The following FAM161A variants were observed in gnomAD, a reference collection of about 807,000 sequenced individuals.
FAM161A encodes FAM161 centrosomal protein A.
FAM161A carries 57 observed loss-of-function variants against 70.9 expected under a neutral mutation model. The observed-to-expected ratio is 0.80, with a 90% CI of 0.65 to 1.00. The LOEUF (loss-of-function observed/expected upper bound fraction) is 1.00. FAM161A is among the 50% of genes least tolerant of loss of function. The pLI is 0.00. For synonymous variants in FAM161A, 299 were observed against 295.7 expected, an observed-to-expected ratio of 1.01 and a Z score of -0.12; for missense variants, 880 against 836.0, an observed-to-expected ratio of 1.05 and a Z score of -0.65.
the FAM161A span, among the ~76,000 whole-genome samples, chr2:61,813,262 C>A: frequency 1.3e-5 from 2 of 151,846 alleles, no homozygotes; most frequent in East Asian, 1.9e-4. Flanking sequence ...ATAGAGAGAC[C>A]TTATCTCTAC....
At chr2:61,829,966 C>T (rs1265830804) in intron 5 of FAM161A, among the ~76,000 whole-genome samples, 2 of 146,158 alleles carry the variant, frequency 1.4e-5, no homozygotes, top group African/African-American at 5.1e-5. Flanking sequence ...TAGACTGCAG[C>T]AAAAAATGTA....
At chr2:61,829,230 AC>A (rs1179328188) in intron 5 of FAM161A, among the ~76,000 whole-genome samples, 4 of 152,160 alleles carry the variant, frequency 2.6e-5, no homozygotes, top group Non-Finnish European at 5.9e-5. Context: ...ACATCATGCT[AC>A]TTTCTCTAAG....
At chr2:61,824,032 C>CT (rs1221098944), downstream of FAM161A, among the ~76,000 whole-genome samples, 367 of 141,800 alleles carry the variant, frequency 2.6e-3, 1 homozygote, top group African/African-American at 7.2e-3. Flanking sequence ...TCTTTTTTTT[C>CT]TTTTTTTTTT....
chr2:61,842,954 A>G (rs559399194), intron 1 of FAM161A, among the ~76,000 whole-genome samples: 2 of 152,274 alleles, frequency 1.3e-5, no homozygotes, highest in South Asian at 4.1e-4. Context: ...GGGAGGGGGT[A>G]GGAGGGACTT....
chr2:61,845,881 T>C (rs1673190666), intron 1 of FAM161A, among the ~76,000 whole-genome samples: 1 of 151,594 alleles, frequency 6.6e-6, no homozygotes. Flanking sequence ...CTGAGCTCAG[T>C]AGTTCAAGAC....
At chr2:61,804,972 G>T in the FAM161A span, among the ~76,000 whole-genome samples, 2 of 152,024 alleles carry the variant, frequency 1.3e-5, no homozygotes, top group Admixed American at 1.3e-4. Flanking sequence ...CAGGTTAGGG[G>T]GAACTGAGGA....
At chr2:61,850,338 G>A (rs999218684) in intron 1 of FAM161A, among the ~76,000 whole-genome samples, 3 of 152,102 alleles carry the variant, frequency 2.0e-5, no homozygotes, top group Admixed American at 6.5e-5. Context: ...GGAGGTTGTG[G>A]TGAGCCAAGA....
At chr2:61,828,435 C>T (rs775206342) in intron 5 of FAM161A, among the ~76,000 whole-genome samples, 1 of 151,910 alleles carries the variant, frequency 6.6e-6, no homozygotes, top group Non-Finnish European at 1.5e-5. Context: ...CTCAAGCGAT[C>T]CTCCCACCTC....
chr2:61,805,411 G>A, the FAM161A span, among the ~76,000 whole-genome samples: 7 of 152,284 alleles, frequency 4.6e-5, no homozygotes, highest in Admixed American at 1.3e-4. Flanking sequence ...AGCTACTCGG[G>A]AGGCTGAGGA....
At chr2:61,840,870 T>G (rs1672998148) in intron 2 of FAM161A, among the ~76,000 whole-genome samples, 1 of 152,200 alleles carries the variant, frequency 6.6e-6, no homozygotes, top group African/African-American at 2.4e-5. Context: ...CAGGATGGTC[T>G]CAATCTCCTG....
chr2:61,830,644 A>G lies in FAM161A; in HGVS notation c.1852-3386T>C, dbSNP rs549047047. ...GGTTGCAGTGAGCCGAGATCACGCC[A>G]CTGCACTCCAGCCTGGGTGACAGAG... On this transcript the variant is annotated intron_variant, in intron 5 of 6. Coordinates refer to ENST00000404929, the MANE Select transcript of FAM161A (RefSeq NM_001201543.2). 3.5e-5 allele frequency among the ~76,000 whole-genome samples: 5 copies of G among 142,426 alleles called. 1 individual carries two copies. The highest frequency in any genetic ancestry group is 7.5e-5 in the Non-Finnish European group (5 of 66,544). 93.4% of individuals were successfully genotyped at this position (142,426 alleles called of 152,430 possible). A position where few individuals can be genotyped will look rare whatever the true frequency, so the allele number is the denominator to read the frequency against.
intron 4 of FAM161A, 47 bp downstream of exon 4, chr2:61,838,487 AAAAG>A: frequency 6.7e-7 from 1 of 1,485,682 alleles, no homozygotes; most frequent in East Asian, 2.3e-5. Context: ...GATTAAAAAA[AAAAG>A]AGTTTGAAAA....
chr2:61,801,596 CG>C, the FAM161A span, among the ~76,000 whole-genome samples: 3 of 138,324 alleles, frequency 2.2e-5, no homozygotes, highest in Non-Finnish European at 4.6e-5. Flanking sequence ...GATAGAGTTT[CG>C]CTCTTGTCAC....
intron 1 of FAM161A, among the ~76,000 whole-genome samples, chr2:61,842,712 T>G (rs776723213): frequency 1.1e-4 from 17 of 152,216 alleles, no homozygotes; most frequent in Non-Finnish European, 2.2e-4. Flanking sequence ...TTGTAAGTTT[T>G]AACTGAGATG....
the FAM161A span, among the ~76,000 whole-genome samples, chr2:61,801,084 C>T: frequency 3.9e-3 from 596 of 152,130 alleles, 2 homozygotes; most frequent in African/African-American, 0.013. Context: ...TGTGAGCCAC[C>T]GCACTCAGCC....
At chr2:61,838,896 T>TTTATTTATTTA (rs373834208) in intron 3 of FAM161A, among the ~76,000 whole-genome samples, 191 bp from the exon 4 acceptor site, 114 of 108,174 alleles carry the variant, frequency 1.1e-3, no homozygotes, top group African/African-American at 1.8e-3. Context: ...TTATTTATTT[T>TTTATTTATTTA]TTTTGAGATG....
chr2:61,852,294 A>G (rs1327413769), intron 1 of FAM161A, among the ~76,000 whole-genome samples: 6 of 152,174 alleles, frequency 3.9e-5, no homozygotes, highest in African/African-American at 1.4e-4. Context: ...CTGTGGAAGC[A>G]TATCTGCAAC....
the FAM161A span, among the ~76,000 whole-genome samples, chr2:61,816,774 C>G: frequency 6.6e-6 from 1 of 152,236 alleles, no homozygotes; most frequent in East Asian, 1.9e-4. Flanking sequence ...CCTGTGTGTA[C>G]TTTAACTTGG....
At chr2:61,805,726 C>T in the FAM161A span, among the ~76,000 whole-genome samples, 1 of 152,122 alleles carries the variant, frequency 6.6e-6, no homozygotes, top group African/African-American at 2.4e-5. Context: ...TCCCTGCCCT[C>T]ATGGAGCTGC....
Sources: gnomAD v4.1 joint callset for allele counts (sites outside exome capture counted in the v4.1 genomes callset) on GRCh38, gnomAD v4.1.1 for gene constraint, MANE v1.5 for transcripts, NCBI Gene and HGNC (gene_info 2026-07-23, HGNC 2026-07-21) for gene names.